BCAT1: variants seen among roughly 807,000 people sequenced by gnomAD.
BCAT1 encodes the protein branched chain amino acid transaminase 1, also known as branched-chain-amino-acid aminotransferase, cytosolic.
In BCAT1, 48 loss-of-function variants were observed where a neutral mutation model predicts 52.4. The observed-to-expected ratio is 0.92, with a 90% confidence interval of 0.73 to 1.16. BCAT1 has a LOEUF of 1.16. Ranked by LOEUF, BCAT1 falls within the 50% of genes most tolerant of loss-of-function variation. BCAT1 has a pLI of 0.00. For missense variants in BCAT1, 451 were observed against 457.1 expected (o/e 0.99, Z 0.12); for synonymous variants, 167 against 161.3 (o/e 1.04, Z -0.27).
intron 2 of BCAT1, among the ~76,000 whole-genome samples, chr12:24,896,040 G>A (rs2139658828): frequency 6.6e-6 from 1 of 152,026 alleles, no homozygotes; most frequent in East Asian, 1.9e-4. Flanking sequence ...TTTTTTTAGA[G>A]ATAGGGACTC....
intron 2 of BCAT1, 72 bp downstream of exon 2, chr12:24,901,742 G>T (rs990517254): frequency 2.8e-4 from 412 of 1,489,898 alleles, no homozygotes; most frequent in Non-Finnish European, 3.5e-4. Flanking sequence ...AAATTTCCCC[G>T]AATCTCAACA....
At chr12:24,825,117 G>GTT (rs1940331624) in intron 10 of BCAT1, among the ~76,000 whole-genome samples, 1 of 59,254 alleles carries the variant, frequency 1.7e-5, no homozygotes. Context: ...CACATTGTGT[G>GTT]TGTGTGTGTG....
chr12:24,857,701 G>A (rs2139501451), intron 5 of BCAT1, among the ~76,000 whole-genome samples: 1 of 152,268 alleles, frequency 6.6e-6, no homozygotes, highest in South Asian at 2.1e-4. Context: ...TTTCCTCATG[G>A]AACCCCAGGA....
At chr12:24,876,278 A>AG (rs1491583223) in intron 5 of BCAT1, among the ~76,000 whole-genome samples, 3 of 143,768 alleles carry the variant, frequency 2.1e-5, no homozygotes, top group Non-Finnish European at 4.6e-5. Flanking sequence ...AAAAAAAAAA[A>AG]GAAAGAAAAG....
In BCAT1 at chr12:24,887,080, A is replaced by AAAAAAAAAATAT. The variant is rs1245203518; in HGVS notation, c.280-5670_280-5669insATATTTTTTTTT. 1.2e-3 allele frequency among the ~76,000 whole-genome samples: 50 copies of AAAAAAAAAATAT among 40,734 alleles called. 1 individual carries two copies. Among genetic ancestry groups the AAAAAAAAAATAT allele is most frequent in the East Asian group, 2.3e-3 (3 of 1,316 alleles). 26.7% of individuals were successfully genotyped at this position (40,734 alleles called of 152,430 possible). A position where few individuals can be genotyped will look rare whatever the true frequency, so the allele number is the denominator to read the frequency against. On this transcript the variant is annotated intron_variant, in intron 3 of 10. Coordinates refer to ENST00000261192, the MANE Select transcript of BCAT1 (RefSeq NM_005504.7). ...GCTAGCTAAAAAAAAAAAAAAAAAA[A>AAAAAAAAAATAT]ATATATATATATATATATATATATA...
Position 24,817,558 on chromosome 12 carries a change from GA to G in BCAT1, c.*449del, listed in dbSNP as rs1222153035. The G allele has an allele frequency of 6.4e-6, 1 of 156,516 alleles. No homozygotes were observed. Among genetic ancestry groups the G allele is most frequent in the East Asian group, 1.9e-4 (1 of 5,368 alleles). 9.7% of individuals were successfully genotyped at this position (156,516 alleles called of 1,614,324 possible). On this transcript the variant is annotated 3_prime_UTR_variant, in exon 11 of 11. Coordinates refer to ENST00000261192, the MANE Select transcript of BCAT1 (RefSeq NM_005504.7). The stretch of plus-strand genomic sequence containing the variant: ...TTTAAAAGTCTTGATTTAAAAAAAA[GA>G]AAACACTTTCTGTGGATAAAGATAG...
chr12:24,947,864 C>A (rs1040356767), intron 1 of BCAT1, among the ~76,000 whole-genome samples: 14 of 152,188 alleles, frequency 9.2e-5, no homozygotes, highest in African/African-American at 3.1e-4. Context: ...AGAAATAGAA[C>A]CTCTAACTAT....
intron 2 of BCAT1, among the ~76,000 whole-genome samples, chr12:24,896,526 T>C (rs1475841133): frequency 1.3e-5 from 2 of 152,144 alleles, no homozygotes; most frequent in African/African-American, 2.4e-5. Context: ...CCCAACACTT[T>C]GGGAGGCCGA....
Position 24,836,906 on chromosome 12 carries a change from G to GAAA in BCAT1, c.818-311_818-310insTTT, listed in dbSNP as rs1401459794. ...GAAAGAAAGAAAGAAAGAAAAGAAAGAGAGAAAGAAAGAAAGAAAGAAAGA... is the reference window on the plus strand; with the variant it reads ...GAAAGAAAGAAAGAAAGAAAAGAAAGAAAAGAGAAAGAAAGAAAGAAAGAAAGA... On this transcript the variant is annotated intron_variant, in intron 7 of 10. Coordinates refer to ENST00000261192, the MANE Select transcript of BCAT1 (RefSeq NM_005504.7). 1.2e-4 allele frequency among the ~76,000 whole-genome samples: 9 copies of GAAA among 76,266 alleles called. 1 individual carries two copies. The highest frequency in any genetic ancestry group is 5.4e-4 in the African/African-American group (9 of 16,532). The allele number at this position is 76,266 out of a possible 152,430, so 50.0% of individuals were successfully genotyped here. A position where few individuals can be genotyped will look rare whatever the true frequency, so the allele number is the denominator to read the frequency against.
Position 24,837,055 on chromosome 12 carries a change from AAGAG to A in BCAT1, c.818-463_818-460del, listed in dbSNP as rs1212829574. On this transcript the variant is annotated intron_variant, in intron 7 of 10. Transcript: ENST00000261192. ...AAGAAAGAAAAAAGAAAAGAAAAGAAAGAGAGAAGGAAAGAAAGAGAGAGGGAGG... is the reference window on the plus strand; with the variant it reads ...AAGAAAGAAAAAAGAAAAGAAAAGAAAGAAGGAAAGAAAGAGAGAGGGAGG... Among the ~76,000 whole-genome samples, 5 of 127,550 alleles carry A rather than the reference AAGAG, an allele frequency of 3.9e-5. 1 individual carries two copies. In the East Asian group the frequency reaches 6.7e-4, roughly 17 times the overall value. The allele number at this position is 127,550 out of a possible 152,430, so 83.7% of individuals were successfully genotyped here.
At chr12:24,867,039 G>T (rs1591822070) in intron 5 of BCAT1, among the ~76,000 whole-genome samples, 1 of 152,234 alleles carries the variant, frequency 6.6e-6, no homozygotes, top group Admixed American at 6.5e-5. Context: ...CACTCCTGAA[G>T]CCAGCGAGAC....
Position 24,887,080 on chromosome 12 carries a change from A to AATATATAT in BCAT1, c.280-5677_280-5670dup, listed in dbSNP as rs71063368. ...GCTAGCTAAAAAAAAAAAAAAAAAA[A>AATATATAT]ATATATATATATATATATATATATA... On this transcript the variant is annotated intron_variant, in intron 3 of 10. Transcript: ENST00000261192. Among the ~76,000 whole-genome samples the AATATATAT allele has an allele frequency of 1.2e-3, 48 of 40,686 alleles. 1 individual carries two copies. Among genetic ancestry groups the AATATATAT allele is most frequent in the Non-Finnish European group, 1.4e-3 (26 of 19,024 alleles). 26.7% of individuals were successfully genotyped at this position (40,686 alleles called of 152,430 possible). A position where few individuals can be genotyped will look rare whatever the true frequency, so the allele number is the denominator to read the frequency against.
intron 2 of BCAT1, among the ~76,000 whole-genome samples, 151 bp from the exon 3 acceptor site, chr12:24,894,626 T>C (rs186876434): frequency 3.3e-4 from 50 of 152,302 alleles, no homozygotes; most frequent in Admixed American, 1.8e-3. Flanking sequence ...GAACAAATCA[T>C]GCCTGCATTC....
chr12:24,892,901 C>G (rs2139648163), intron 3 of BCAT1, among the ~76,000 whole-genome samples: 1 of 152,174 alleles, frequency 6.6e-6, no homozygotes, highest in East Asian at 1.9e-4. Context: ...TTTATTATAC[C>G]TTATGACATG....
At chr12:24,832,419 A>C (rs953038274) in intron 9 of BCAT1, among the ~76,000 whole-genome samples, 1 of 152,160 alleles carries the variant, frequency 6.6e-6, no homozygotes, top group Non-Finnish European at 1.5e-5. Flanking sequence ...AACAAAAAAG[A>C]CCTAGCATGG....
chr12:24,889,674 C>T (rs931449594), intron 3 of BCAT1, among the ~76,000 whole-genome samples: 2 of 152,176 alleles, frequency 1.3e-5, no homozygotes, highest in African/African-American at 4.8e-5. Flanking sequence ...TTCTCCTGCC[C>T]TCCTTTCTAA....
intron 2 of BCAT1, among the ~76,000 whole-genome samples, chr12:24,897,163 G>T (rs1942980052): frequency 6.6e-6 from 1 of 152,146 alleles, no homozygotes. Context: ...AAGGGGAAGG[G>T]TAGTAAAACA....
intron 3 of BCAT1, among the ~76,000 whole-genome samples, chr12:24,887,080 A>AAT (rs71063368): frequency 0.014 from 563 of 40,582 alleles, 17 homozygotes; most frequent in Non-Finnish European, 0.021. Context: ...AAAAAAAAAA[A>AAT]ATATATATAT....
intron 1 of BCAT1, among the ~76,000 whole-genome samples, chr12:24,921,026 A>T (rs1036428794): frequency 6.6e-6 from 1 of 152,078 alleles, no homozygotes; most frequent in Non-Finnish European, 1.5e-5. Context: ...CATGTGAATG[A>T]ATTTTTGCTT....
Sources: gnomAD v4.1 joint callset for allele counts (sites outside exome capture counted in the v4.1 genomes callset) on GRCh38, gnomAD v4.1.1 for gene constraint, MANE v1.5 for transcripts, NCBI Gene and HGNC (gene_info 2026-07-23, HGNC 2026-07-21) for gene names.